The following ROR1 variants were observed in gnomAD, a reference collection of about 807,000 sequenced individuals.
ROR1 encodes inactive tyrosine-protein kinase transmembrane receptor ROR1.
ROR1 carries 19 observed loss-of-function variants against 78.8 expected under a neutral mutation model. The observed-to-expected ratio is 0.24, with a 90% CI of 0.17 to 0.35. The LOEUF is 0.35. ROR1 is among the 10% of genes least tolerant of loss of function. The probability of loss-of-function intolerance (pLI) is 1.00; values close to 1 mark genes in which losing one functional copy is unlikely to be tolerated. For synonymous variants in ROR1, 386 were observed against 433.6 expected, an observed-to-expected ratio of 0.89 and a Z score of 1.36; for missense variants, 917 against 1,177.8, an observed-to-expected ratio of 0.78 and a Z score of 3.24.
chr1:63,890,586 G>A (rs1487343909), intron 1 of ROR1, among the ~76,000 whole-genome samples: 1 of 151,950 alleles, frequency 6.6e-6, no homozygotes, highest in Non-Finnish European at 1.5e-5. Flanking sequence ...AATTTACTCT[G>A]GTTAGGGAGT....
intron 2 of ROR1, among the ~76,000 whole-genome samples, chr1:64,021,662 T>A (rs1646566329): frequency 6.6e-6 from 1 of 152,220 alleles, no homozygotes; most frequent in Non-Finnish European, 1.5e-5. Flanking sequence ...TCTCAGTGAC[T>A]ATTTATTTCT....
chr1:63,799,401 G>A (rs946303355), intron 1 of ROR1, among the ~76,000 whole-genome samples: 1 of 152,154 alleles, frequency 6.6e-6, no homozygotes, highest in Non-Finnish European at 1.5e-5. Flanking sequence ...GCTGTGTCTT[G>A]TTCCCCAGGC....
At chr1:63,840,060 T>A (rs1375511933) in intron 1 of ROR1, among the ~76,000 whole-genome samples, 1 of 152,156 alleles carries the variant, frequency 6.6e-6, no homozygotes, top group East Asian at 1.9e-4. Flanking sequence ...TGAGAGTTGG[T>A]AAATGGAGTC....
chr1:64,132,775 A>AAG lies in ROR1; in HGVS notation c.483-4593_483-4592insGA, dbSNP rs1247018836. ...GACTCCATCTCAAAAAAAAAAAAAA[A>AAG]AAAAAAAAAGAGAGAGAGATAGGCA... On this transcript the variant is annotated intron_variant, in intron 4 of 8. Coordinates refer to ENST00000371079, the MANE Select transcript of ROR1 (RefSeq NM_005012.4). Among the ~76,000 whole-genome samples the AAG allele has an allele frequency of 3.4e-5, 5 of 149,184 alleles. No homozygotes were observed. In the East Asian group the frequency reaches 9.7e-4, roughly 29 times the overall value.
intron 4 of ROR1, among the ~76,000 whole-genome samples, chr1:64,103,045 C>T (rs1293875168): frequency 6.6e-6 from 1 of 152,152 alleles, no homozygotes; most frequent in Admixed American, 6.5e-5. Context: ...AAGAATGAGG[C>T]TCTTCTTATG....
chr1:64,113,449 T>A, intron 4 of ROR1, among the ~76,000 whole-genome samples: 1 of 152,148 alleles, frequency 6.6e-6, no homozygotes, highest in East Asian at 1.9e-4. Flanking sequence ...ATTGTACAGA[T>A]GAGGAAGCTG....
At chr1:63,865,642 T>C (rs1645210700) in intron 1 of ROR1, among the ~76,000 whole-genome samples, 1 of 152,232 alleles carries the variant, frequency 6.6e-6, no homozygotes, top group South Asian at 2.1e-4. Flanking sequence ...TGTTTCACTC[T>C]GGCGTTTTGC....
At chr1:64,166,125 T>C (rs1190810342) in intron 8 of ROR1, among the ~76,000 whole-genome samples, 1 of 152,240 alleles carries the variant, frequency 6.6e-6, no homozygotes, top group Non-Finnish European at 1.5e-5. Flanking sequence ...TACTAGGGAA[T>C]TCTTTCCCCA....
At chr1:63,919,278 G>A (rs1255047367) in intron 1 of ROR1, among the ~76,000 whole-genome samples, 1 of 151,986 alleles carries the variant, frequency 6.6e-6, no homozygotes, top group East Asian at 1.9e-4. Flanking sequence ...TATGATTAAG[G>A]ACCAAAAAGA....
At chr1:63,868,689 G>C (rs1187763907) in intron 1 of ROR1, among the ~76,000 whole-genome samples, 1 of 152,208 alleles carries the variant, frequency 6.6e-6, no homozygotes, top group Admixed American at 6.5e-5. Flanking sequence ...TGATAACCAT[G>C]TGAGTTCAGG....
chr1:63,831,491 G>A lies in ROR1; in HGVS notation c.91+56983G>A, dbSNP rs778796919. Among the ~76,000 whole-genome samples, 82 of 152,336 alleles carry A rather than the reference G, an allele frequency of 5.4e-4. 1 individual carries two copies. Among genetic ancestry groups the A allele is most frequent in the Non-Finnish European group, 6.2e-4 (42 of 68,030 alleles). On this transcript the variant is annotated intron_variant, in intron 1 of 8. Transcript: ENST00000371079. Reference sequence around the variant, plus strand: ...TGGGGCTCCCACCCTCTGAAGCAATGCCTGAGCTGTACTTTGGCCCCTTTT... The same window carrying A: ...TGGGGCTCCCACCCTCTGAAGCAATACCTGAGCTGTACTTTGGCCCCTTTT...
intron 1 of ROR1, among the ~76,000 whole-genome samples, chr1:63,956,827 T>G (rs1480113444): frequency 6.6e-6 from 1 of 152,246 alleles, no homozygotes; most frequent in East Asian, 1.9e-4. Flanking sequence ...GTCCTATTTC[T>G]TAAACTTCAA....
intron 4 of ROR1, among the ~76,000 whole-genome samples, chr1:64,073,598 C>T (rs114334473): frequency 0.016 from 2,403 of 152,324 alleles, 33 homozygotes; most frequent in Non-Finnish European, 0.023. Context: ...ATCTTGGAGA[C>T]ACTCTGCATA....
chr1:64,150,448 T>G (rs560313641), intron 7 of ROR1, among the ~76,000 whole-genome samples: 1 of 152,374 alleles, frequency 6.6e-6, no homozygotes, highest in East Asian at 1.9e-4. Flanking sequence ...ACAAACCATA[T>G]TCTGCAACGT....
At chr1:64,053,463 C>T (rs959643772) in intron 4 of ROR1, among the ~76,000 whole-genome samples, 3 of 152,192 alleles carry the variant, frequency 2.0e-5, no homozygotes, top group South Asian at 4.2e-4. Context: ...GTTTGGTTTC[C>T]GTTCATAGAT....
At chr1:63,997,665 A>C in intron 1 of ROR1, among the ~76,000 whole-genome samples, 1 of 80,140 alleles carries the variant, frequency 1.2e-5, no homozygotes, top group East Asian at 6.7e-4. Flanking sequence ...GATCGGTGCT[A>C]GGCTGCAGGT....
intron 8 of ROR1, among the ~76,000 whole-genome samples, chr1:64,161,624 G>A (rs982621618): frequency 6.6e-6 from 1 of 152,218 alleles, no homozygotes; most frequent in African/African-American, 2.4e-5. Flanking sequence ...CAGAGACTGG[G>A]TGAAGTAAAC....
chr1:63,867,844 C>T (rs960980577), intron 1 of ROR1, among the ~76,000 whole-genome samples: 1 of 152,248 alleles, frequency 6.6e-6, no homozygotes, highest in Non-Finnish European at 1.5e-5. Context: ...AAATATCCCA[C>T]CTTCCTTGAT....
Position 64,050,688 on chromosome 1 carries a change from C to A in ROR1, c.454C>A (p.Pro152Thr). 6 of 1,613,492 alleles carry A rather than the reference C, an allele frequency of 3.7e-6. No individual in the cohort carries two copies. The highest frequency in any genetic ancestry group is 5.1e-6 in the Non-Finnish European group (6 of 1,179,632). Residue 152 changes from proline (P) to threonine (T), a missense_variant and splice_region_variant, in exon 4 of 9, where the codon CCC (proline) becomes ACC (threonine). Coordinates refer to ENST00000371079, the MANE Select transcript of ROR1 (RefSeq NM_005012.4). ...STGVLFVKFG[P>T]PPTASPGYSD... ...TTGTTTTTCTTTCATTTCTTCAGGC[C>A]CCCCTCCCACTGCAAGTCCAGGATA...
Sources: allele counts gnomAD v4.1 joint callset (sites outside exome capture counted in the v4.1 genomes callset), GRCh38; gene constraint gnomAD v4.1.1; transcripts MANE v1.5; gene names NCBI Gene and HGNC (gene_info 2026-07-23, HGNC 2026-07-21).